NECAB2: variants seen among roughly 807,000 people sequenced by gnomAD.
NECAB2 encodes N-terminal EF-hand calcium binding protein 2.
In NECAB2, 68 loss-of-function variants were observed where a neutral mutation model predicts 51.9. The ratio of observed to expected loss-of-function variants is 1.31; its 90% CI spans 1.08 to 1.60. NECAB2 has a LOEUF of 1.60. NECAB2 is among the 40% of genes most tolerant of loss of function. The probability of loss-of-function intolerance (pLI) is 0.00; values close to 1 mark genes in which losing one functional copy is unlikely to be tolerated. For synonymous variants in NECAB2, 329 were observed against 203.5 expected (o/e 1.62, Z -5.25); for missense variants, 854 against 490.3 (o/e 1.74, Z -7.00).
In NECAB2 at chr16:83,997,369, C is replaced by T. The variant is rs57107541; in HGVS notation, c.849+100C>T. 21,139 of 1,449,224 alleles carry T rather than the reference C, an allele frequency of 0.015. 2,109 individuals carry two copies. The African/African-American group carries it at 0.24, about 16-fold the overall frequency. 89.8% of individuals were successfully genotyped at this position (1,449,224 alleles called of 1,614,324 possible). ...AATGCCCCTGACCCCGCTCTCCCTG[C>T]TTGGGACCACCAGGAGGGGAGATGT... is the stretch of plus-strand genomic sequence containing the variant. On this transcript the variant is annotated intron_variant, in intron 9 of 12. Coordinates refer to ENST00000305202, the MANE Select transcript of NECAB2 (RefSeq NM_019065.3).
chr16:83,969,050 G>C (rs2457541), intron 1 of NECAB2, among the ~76,000 whole-genome samples: 12,446 of 150,996 alleles, frequency 0.082, 761 homozygotes, highest in African/African-American at 0.18. Flanking sequence ...CCTCTCCCTG[G>C]ACCGGGAGAC....
chr16:83,986,119 C>A (rs144651201), intron 5 of NECAB2, among the ~76,000 whole-genome samples: 1 of 152,192 alleles, frequency 6.6e-6, no homozygotes, highest in African/African-American at 2.4e-5. Flanking sequence ...TGGGTTAAAG[C>A]GATTCTTCCA....
intron 2 of NECAB2, among the ~76,000 whole-genome samples, chr16:83,974,260 C>G (rs1003270840): frequency 6.6e-5 from 10 of 152,164 alleles, no homozygotes; most frequent in East Asian, 5.8e-4. Context: ...CAGCCGCGTA[C>G]CGGCTCTGGC....
At chr16:84,001,785 C>T in intron 11 of NECAB2, 40 bp from the exon 12 acceptor site, 6 of 1,609,270 alleles carry the variant, frequency 3.7e-6, no homozygotes, top group South Asian at 2.2e-5. Flanking sequence ...CGGAGCTCCA[C>T]TCCTGCCACC....
At chr16:84,001,224 G>C (rs890443934) in intron 11 of NECAB2, among the ~76,000 whole-genome samples, 2 of 152,160 alleles carry the variant, frequency 1.3e-5, no homozygotes, top group African/African-American at 4.8e-5. Context: ...AGATGGGGTA[G>C]GGTGTCAGCA....
chr16:83,999,468 G>C (rs778767687), intron 10 of NECAB2, among the ~76,000 whole-genome samples: 3 of 152,156 alleles, frequency 2.0e-5, no homozygotes, highest in Non-Finnish European at 2.9e-5. Context: ...AGAGCCAGGT[G>C]AGATTCTACT....
At chr16:84,000,328 A>G (rs907486463) in intron 10 of NECAB2, among the ~76,000 whole-genome samples, 3 of 149,842 alleles carry the variant, frequency 2.0e-5, no homozygotes, top group Admixed American at 2.0e-4. Context: ...CCAGGAGTTA[A>G]AGACCAGCAT....
chr16:83,978,419 C>T, intron 2 of NECAB2, 25 bp from the exon 3 acceptor site: 1 of 1,602,962 alleles, frequency 6.2e-7, no homozygotes, highest in Non-Finnish European at 8.5e-7. Context: ...GACACCAGCT[C>T]CTTTCTCTGC....
chr16:84,001,498 C>T lies in NECAB2; in HGVS notation c.1041-327C>T, dbSNP rs146890801. Among the ~76,000 whole-genome samples the T allele has an allele frequency of 5.8e-4, 89 of 152,214 alleles. No individual in the cohort carries two copies. The East Asian group carries it at 8.1e-3, about 14-fold the overall frequency. On this transcript the variant is annotated intron_variant, in intron 11 of 12. Coordinates refer to ENST00000305202, the MANE Select transcript of NECAB2 (RefSeq NM_019065.3). ...CATAAAACGAGGGACTAAAAGCCTTCGCAGCTTCTGTGTTGTCATGGGTCC... is the reference window on the plus strand; with the variant it reads ...CATAAAACGAGGGACTAAAAGCCTTTGCAGCTTCTGTGTTGTCATGGGTCC...
At position 83,990,598 on chromosome 16, in the gene NECAB2, G is replaced by A. The variant is rs1477281813; in HGVS notation, c.564G>A (p.Val188=). 1 of 1,614,040 alleles carries A rather than the reference G, an allele frequency of 6.2e-7. No individual in the cohort carries two copies. The highest frequency in any genetic ancestry group is 8.5e-7 in the Non-Finnish European group (1 of 1,180,052). ...TGCTGAGCTCAGTGGAGAGTGCGGT[G>A]GAGGCCATCGAGGAACAGACCAGCC... ...QSLLSSVESA[V]EAIEEQTSQL... The change falls in exon 6 of 13, where the codon GTG becomes GTA. Residue 188 remains valine, a synonymous_variant. Coordinates refer to ENST00000305202, the MANE Select transcript of NECAB2 (RefSeq NM_019065.3).
intron 10 of NECAB2, 130 bp downstream of exon 10, chr16:83,998,447 C>G: frequency 1.2e-6 from 1 of 836,796 alleles, no homozygotes. Context: ...CAGCTGGATG[C>G]GTAAGAAGTG....
Position 83,998,276 on chromosome 16 carries a change from C to A in NECAB2, c.921C>A (p.Arg307=). The A allele has an allele frequency of 6.2e-7, 1 of 1,613,516 alleles. No homozygotes were observed. Among genetic ancestry groups the A allele is most frequent in the East Asian group, 2.2e-5 (1 of 44,866 alleles). The change falls in exon 10 of 13, where the codon CGC becomes CGA. Residue 307 remains arginine (R), a synonymous_variant. Transcript: ENST00000305202. ...EQLSEFLDSL[R]QYLRGTTGVR... ...TGAGCGAGTTTCTGGACTCTCTGCG[C>A]CAGTATCTGCGGGGGACCACTGGCG... is the stretch of plus-strand genomic sequence containing the variant.
chr16:83,997,579 C>G (rs1218998091), intron 9 of NECAB2, among the ~76,000 whole-genome samples: 2 of 143,590 alleles, frequency 1.4e-5, no homozygotes, highest in African/African-American at 5.3e-5. Flanking sequence ...CCTCTGCCTC[C>G]TGGGTTCAAG....
At chr16:83,976,444 C>T (rs150445096) in intron 2 of NECAB2, among the ~76,000 whole-genome samples, 4 of 152,198 alleles carry the variant, frequency 2.6e-5, no homozygotes, top group African/African-American at 4.8e-5. Context: ...AGGTACTCCA[C>T]GTGTGGTGTG....
upstream of NECAB2, chr16:83,965,545 G>T: frequency 1.2e-6 from 2 of 1,612,798 alleles, no homozygotes; most frequent in South Asian, 1.1e-5. Flanking sequence ...ACCCTGGCCT[G>T]GTGTTCAACC....
intron 2 of NECAB2, among the ~76,000 whole-genome samples, chr16:83,976,571 C>T (rs76781372): frequency 0.012 from 1,825 of 152,218 alleles, 18 homozygotes; most frequent in South Asian, 0.025. Flanking sequence ...TCGTGGCTGA[C>T]TTTGCGGACT....
Position 83,980,750 on chromosome 16 carries a change from C to T in NECAB2, c.336-89C>T, listed in dbSNP as rs777247724. The T allele has an allele frequency of 4.7e-6, 7 of 1,483,118 alleles. No homozygotes were observed. In the Admixed American group the frequency reaches 5.9e-5, roughly 13 times the overall value. The allele number at this position is 1,483,118 out of a possible 1,614,324, so 91.9% of individuals were successfully genotyped here. On this transcript the variant is annotated intron_variant, in intron 3 of 12. Coordinates refer to ENST00000305202, the MANE Select transcript of NECAB2 (RefSeq NM_019065.3). ...CAGCACACAGGCTGCAAAGAGCAGG[C>T]AGGATGTGTGTTTCGCAGGCTGTGC...
chr16:83,968,940 C>A, intron 1 of NECAB2, 91 bp downstream of exon 1: 1 of 833,892 alleles, frequency 1.2e-6, no homozygotes, highest in Non-Finnish European at 1.5e-6. Flanking sequence ...CGCCGCGACC[C>A]GCGAGGCCCT....
At chr16:83,986,190 T>A (rs1364779278) in intron 5 of NECAB2, among the ~76,000 whole-genome samples, 1 of 152,130 alleles carries the variant, frequency 6.6e-6, no homozygotes, top group Non-Finnish European at 1.5e-5. Flanking sequence ...CTAATTTTTG[T>A]GTTTCTAGTA....
Sources: allele counts gnomAD v4.1 joint callset (sites outside exome capture counted in the v4.1 genomes callset), GRCh38; gene constraint gnomAD v4.1.1; transcripts MANE v1.5; gene names NCBI Gene and HGNC (gene_info 2026-07-23, HGNC 2026-07-21).